DPYD: variants seen among roughly 807,000 people sequenced by gnomAD.
DPYD encodes dihydropyrimidine dehydrogenase [NADP(+)].
Under a neutral mutation model 116.2 loss-of-function variants are expected in DPYD, and 109 were observed. The observed-to-expected ratio is 0.94, with a 90% CI of 0.80 to 1.10. DPYD has a LOEUF of 1.10. Among genes scored for constraint, DPYD ranks in the 50% least tolerant of loss-of-function variants. The pLI is 0.00. For missense variants in DPYD, 1,302 were observed against 1,254.5 expected (o/e 1.04, Z -0.57); for synonymous variants, 440 against 432.0 (o/e 1.02, Z -0.23).
intron 19 of DPYD, among the ~76,000 whole-genome samples, chr1:97,205,016 C>A (rs1184619521): frequency 1.3e-5 from 2 of 151,950 alleles, no homozygotes; most frequent in Non-Finnish European, 1.5e-5. Flanking sequence ...TTTTAGTACA[C>A]TTTTAGATTT....
intron 8 of DPYD, among the ~76,000 whole-genome samples, chr1:97,674,731 A>G (rs753204792): frequency 1.3e-5 from 2 of 152,022 alleles, no homozygotes; most frequent in African/African-American, 4.8e-5. Context: ...AAATTGTGCA[A>G]TATGGTTGTT....
chr1:97,363,496 T>C lies in DPYD; in HGVS notation c.2058+10065A>G, dbSNP rs1011205687. Among the ~76,000 whole-genome samples, 7 of 152,328 alleles carry C rather than the reference T, an allele frequency of 4.6e-5. No homozygotes were observed. The East Asian group carries it at 9.7e-4, about 21-fold the overall frequency. On this transcript the variant is annotated intron_variant, in intron 16 of 22. Transcript: ENST00000370192. ...TAAATCATGCTACTATAAAGACACA[T>C]GCACACATATGTTTATTGTAGCACT...
chr1:97,622,984 T>C (rs1334346192), intron 8 of DPYD, among the ~76,000 whole-genome samples: 1 of 152,066 alleles, frequency 6.6e-6, no homozygotes, highest in Non-Finnish European at 1.5e-5. Flanking sequence ...ATCATGATAC[T>C]GAAGGGCAAA....
intron 18 of DPYD, among the ~76,000 whole-genome samples, chr1:97,259,412 C>CAA: frequency 6.6e-6 from 1 of 152,072 alleles, no homozygotes; most frequent in Non-Finnish European, 1.5e-5. Flanking sequence ...CTTGCTCTTT[C>CAA]ACCCAGGCTG....
chr1:97,697,834 G>C (rs1428525568), intron 6 of DPYD, among the ~76,000 whole-genome samples: 1 of 151,936 alleles, frequency 6.6e-6, no homozygotes, highest in East Asian at 1.9e-4. Context: ...TTACAAATAG[G>C]GTTGGTTCCA....
chr1:97,389,581 T>C (rs1230829881), intron 14 of DPYD, among the ~76,000 whole-genome samples: 1 of 152,042 alleles, frequency 6.6e-6, no homozygotes, highest in Non-Finnish European at 1.5e-5. Context: ...CTTAAGTCAT[T>C]AAAATTTGAT....
At chr1:97,757,119 T>A (rs1665294767) in intron 3 of DPYD, among the ~76,000 whole-genome samples, 2 of 152,296 alleles carry the variant, frequency 1.3e-5, no homozygotes, top group East Asian at 3.9e-4. Flanking sequence ...TCAACGAATA[T>A]TGTTTGAGTA....
intron 20 of DPYD, among the ~76,000 whole-genome samples, chr1:97,161,650 C>G (rs1235654372): frequency 4.7e-5 from 7 of 150,434 alleles, no homozygotes; most frequent in Admixed American, 4.6e-4. Context: ...ATACATGTGC[C>G]ATGCTGGTGT....
At chr1:97,285,250 A>T (rs183773790) in intron 18 of DPYD, among the ~76,000 whole-genome samples, 1 of 152,274 alleles carries the variant, frequency 6.6e-6, no homozygotes, top group East Asian at 1.9e-4. Flanking sequence ...GACCTCTTAA[A>T]CATTAGGCAT....
intron 8 of DPYD, among the ~76,000 whole-genome samples, chr1:97,670,140 T>C (rs763634805): frequency 6.6e-6 from 1 of 152,194 alleles, no homozygotes. Context: ...AAAAGTCTTC[T>C]TGACAATATC....
chr1:97,572,355 C>T (rs180877799), intron 11 of DPYD, among the ~76,000 whole-genome samples: 13 of 151,926 alleles, frequency 8.6e-5, no homozygotes, highest in Non-Finnish European at 1.6e-4. Flanking sequence ...CTTATAAAAT[C>T]GTATCTGAGA....
intron 20 of DPYD, among the ~76,000 whole-genome samples, chr1:97,114,767 T>C (rs2137975): frequency 0.34 from 50,968 of 152,044 alleles, 8,988 homozygotes; most frequent in Middle Eastern, 0.47. Context: ...AAACCCATCA[T>C]ATTCAATAAA....
intron 11 of DPYD, among the ~76,000 whole-genome samples, chr1:97,567,330 T>A (rs1463122188): frequency 6.6e-6 from 1 of 152,038 alleles, no homozygotes. Flanking sequence ...ACCTTTTTTT[T>A]TTTCCTGCAA....
rs568296745 is a variant in DPYD, at chr1:97,560,813, G to A, written c.1340-11069C>T. Among the ~76,000 whole-genome samples the A allele has an allele frequency of 1.2e-4, 18 of 152,248 alleles. No individual in the cohort carries two copies. In the South Asian group the frequency reaches 3.7e-3, roughly 32 times the overall value. ...GGGTGCTTTAGATCATAGCAATTAT[G>A]GAGGGTCAGAGAGCGCCTCTTTGAT... On this transcript the variant is annotated intron_variant, in intron 11 of 22. Coordinates refer to ENST00000370192, the MANE Select transcript of DPYD (RefSeq NM_000110.4).
intron 4 of DPYD, among the ~76,000 whole-genome samples, chr1:97,730,931 A>G (rs1347822362): frequency 2.0e-5 from 3 of 152,118 alleles, no homozygotes; most frequent in Admixed American, 6.5e-5. Context: ...TTCATTTATG[A>G]ATATTACACA....
intron 8 of DPYD, among the ~76,000 whole-genome samples, chr1:97,655,442 T>C (rs1032804063): frequency 2.6e-5 from 4 of 152,204 alleles, no homozygotes; most frequent in Admixed American, 1.3e-4. Context: ...TCTCAGAAGA[T>C]GCTTTTTGCA....
chr1:97,519,936 T>C (rs186414105), intron 12 of DPYD, among the ~76,000 whole-genome samples: 8 of 152,240 alleles, frequency 5.3e-5, no homozygotes, highest in Non-Finnish European at 8.8e-5. Flanking sequence ...GAGACACTTA[T>C]AGATCATAAA....
At chr1:97,113,102 CAT>C (rs1227862647) in intron 20 of DPYD, among the ~76,000 whole-genome samples, 4 of 152,274 alleles carry the variant, frequency 2.6e-5, no homozygotes, top group South Asian at 2.1e-4. Flanking sequence ...CTTTTTAACA[CAT>C]GTGACTGTGT....
chr1:97,525,587 G>A (rs1648991516), intron 12 of DPYD, among the ~76,000 whole-genome samples: 5 of 152,068 alleles, frequency 3.3e-5, no homozygotes, highest in Admixed American at 6.6e-5. Context: ...TTCCAGTAAG[G>A]TGATAATCAG....
Sources: gnomAD v4.1 joint callset for allele counts (sites outside exome capture counted in the v4.1 genomes callset) on GRCh38, gnomAD v4.1.1 for gene constraint, MANE v1.5 for transcripts, NCBI Gene and HGNC (gene_info 2026-07-23, HGNC 2026-07-21) for gene names.